FCMR: variants seen among roughly 807,000 people sequenced by gnomAD.
FCMR encodes the protein immunoglobulin mu Fc receptor.
In FCMR, 34 loss-of-function variants were observed where a neutral mutation model predicts 41.6. The ratio of observed to expected loss-of-function variants is 0.82; its 90% confidence interval spans 0.62 to 1.09. The LOEUF (loss-of-function observed/expected upper bound fraction) is 1.09. Ranked by LOEUF, FCMR falls within the 50% of genes least tolerant of loss-of-function variation. FCMR has a pLI of 0.00. For synonymous variants in FCMR, 209 were observed against 211.8 expected (o/e 0.99, Z 0.12); for missense variants, 496 against 512.5 (o/e 0.97, Z 0.31).
At position 206,911,962 on chromosome 1, in the gene FCMR, G is replaced by A. The variant is rs1317023735; in HGVS notation, c.488-10C>T. On this transcript the variant is annotated splice_polypyrimidine_tract_variant and intron_variant, in intron 3 of 7. Transcript: ENST00000367091. ...TGAGCTGGTGTGGTAACTGCAGGAG[G>A]TAGCAGGAAAAAGGGATGTTCCTTT... The A allele has an allele frequency of 6.2e-7, 1 of 1,602,542 alleles. No homozygotes were observed. Among genetic ancestry groups the A allele is most frequent in the Non-Finnish European group, 8.5e-7 (1 of 1,174,094 alleles).
chr1:206,909,942 C>T lies in FCMR; in HGVS notation c.842-74G>A. ...CGTGCCACCCTCCCCAAACGAAAGG[C>T]TGCCTCCTCCCTCGGGCTTGGCAGT... is the stretch of plus-strand genomic sequence containing the variant. On this transcript the variant is annotated intron_variant, in intron 5 of 7. Coordinates refer to ENST00000367091, the MANE Select transcript of FCMR (RefSeq NM_005449.5). This position sits in a 1 kb window ranked among gnomAD's most constrained non-coding sequence, Gnocchi z 5.0. 7.4e-7 allele frequency: 1 copy of T among 1,347,086 alleles called. No homozygotes were observed. Among genetic ancestry groups the T allele is most frequent in the Non-Finnish European group, 9.6e-7 (1 of 1,044,906 alleles). The allele number at this position is 1,347,086 out of a possible 1,614,324, so 83.4% of individuals were successfully genotyped here. A position where few individuals can be genotyped will look rare whatever the true frequency, so the allele number is the denominator to read the frequency against.
At chr1:206,921,021 A>AT (rs11401615) in intron 1 of FCMR, among the ~76,000 whole-genome samples, 89,232 of 152,044 alleles carry the variant, frequency 0.59, 28,414 homozygotes, top group African/African-American at 0.86. Context: ...TCAATGAAGA[A>AT]TTGAGGTAAG....
chr1:206,915,628 A>T (rs1679159080), intron 1 of FCMR, among the ~76,000 whole-genome samples: 1 of 152,176 alleles, frequency 6.6e-6, no homozygotes, highest in Non-Finnish European at 1.5e-5. Flanking sequence ...GGATCCCATA[A>T]GTGTCTGCAT....
chr1:206,904,001 A>C lies in FCMR; in HGVS notation c.*1018T>G, dbSNP rs1678508439. On this transcript the variant is annotated 3_prime_UTR_variant, in exon 8 of 8. Transcript: ENST00000367091. ...CTGGCTGAACTTTGTGGTCGACATC[A>C]ATCTAAAGATACAGTGTCTGACTAT... The C allele has an allele frequency of 6.6e-6, 1 of 152,404 alleles. No homozygotes were observed. The highest frequency in any genetic ancestry group is 1.5e-5 in the Non-Finnish European group (1 of 68,062). 9.4% of individuals were successfully genotyped at this position (152,404 alleles called of 1,614,324 possible).
chr1:206,908,347 A>G (rs1572618289), intron 7 of FCMR: 10 of 600,170 alleles, frequency 1.7e-5, no homozygotes, highest in South Asian at 1.6e-4. Flanking sequence ...GCAGCCTGGG[A>G]CATAGGAAGC....
At chr1:206,917,348 AT>A (rs141041950) in intron 1 of FCMR, among the ~76,000 whole-genome samples, 196 of 150,090 alleles carry the variant, frequency 1.3e-3, no homozygotes, top group Non-Finnish European at 2.4e-3. Context: ...CGGGGCATGG[AT>A]TTTTTTTTTG....
At chr1:206,920,454 C>CA (rs10693146) in intron 1 of FCMR, among the ~76,000 whole-genome samples, 15,352 of 111,024 alleles carry the variant, frequency 0.14, 1,237 homozygotes, top group African/African-American at 0.16. Flanking sequence ...GACTCTGTCT[C>CA]AAAAAAAAAA....
At chr1:206,917,076 AG>A (rs1432621094) in intron 1 of FCMR, among the ~76,000 whole-genome samples, 1 of 152,224 alleles carries the variant, frequency 6.6e-6, no homozygotes, top group Non-Finnish European at 1.5e-5. Flanking sequence ...GGTAGGGAAG[AG>A]GGGGATATGT....
In FCMR at chr1:206,913,997, C is replaced by A; in HGVS notation, c.135G>T (p.Arg45Ser). ...IKCPLPEMHV[R>S]IYLCREMAGS... Reference sequence around the variant, plus strand: ...CAGCCATCTCCCGGCACAGATATATCCTCACATGCATTTCAGGAAGTGGGC... The same window carrying A: ...CAGCCATCTCCCGGCACAGATATATACTCACATGCATTTCAGGAAGTGGGC... Residue 45 changes from arginine (R) to serine (S), a missense_variant, in exon 2 of 8, where the codon AGG becomes AGT. Coordinates refer to ENST00000367091, the MANE Select transcript of FCMR (RefSeq NM_005449.5). 1 of 1,614,184 alleles carries A rather than the reference C, an allele frequency of 6.2e-7. No individual in the cohort carries two copies. The highest frequency in any genetic ancestry group is 1.1e-5 in the South Asian group (1 of 91,084).
At chr1:206,917,517 A>G (rs1679243459) in intron 1 of FCMR, among the ~76,000 whole-genome samples, 1 of 152,104 alleles carries the variant, frequency 6.6e-6, no homozygotes. Flanking sequence ...CCTGTTTTAG[A>G]ACTTCTTGTC....
intron 1 of FCMR, chr1:206,921,290 A>G: frequency 6.6e-6 from 2 of 303,208 alleles, no homozygotes; most frequent in Non-Finnish European, 1.4e-5. Flanking sequence ...AGGAGAGATG[A>G]CACCTTCAGC....
intron 7 of FCMR, among the ~76,000 whole-genome samples, chr1:206,907,080 C>G (rs1396883684): frequency 3.9e-5 from 1 of 25,698 alleles, no homozygotes; most frequent in African/African-American, 1.8e-4. Flanking sequence ...CCGGAGAAGC[C>G]GGGGGGTGGG....
intron 7 of FCMR, among the ~76,000 whole-genome samples, chr1:206,908,427 G>T (rs1678775330): frequency 6.6e-6 from 1 of 152,194 alleles, no homozygotes. Flanking sequence ...AATTGTGCAG[G>T]TGTAATTTAT....
chr1:206,920,176 C>T (rs958817414), intron 1 of FCMR, among the ~76,000 whole-genome samples: 2 of 152,016 alleles, frequency 1.3e-5, no homozygotes, highest in Admixed American at 1.3e-4. Context: ...TGAAGGTGGC[C>T]AGGTGCAGTG....
At position 206,918,650 on chromosome 1, in the gene FCMR, A is replaced by AGTGTGTGTGTGT. The variant is rs10652847; in HGVS notation, c.37+3156_37+3167dup. On this transcript the variant is annotated intron_variant, in intron 1 of 7. Coordinates refer to ENST00000367091, the MANE Select transcript of FCMR (RefSeq NM_005449.5). ...GTTAAAGAATCAAGAATAAATTTTA[A>AGTGTGTGTGTGT]GTGTGTGTGTGTGTGTGTGTGTGTG... 2.6e-3 allele frequency among the ~76,000 whole-genome samples: 385 copies of AGTGTGTGTGTGT among 145,980 alleles called. 1 individual carries two copies. Among genetic ancestry groups the AGTGTGTGTGTGT allele is most frequent in the African/African-American group, 6.6e-3 (259 of 39,538 alleles).
chr1:206,909,358 G>T lies in FCMR; in HGVS notation c.1044+104C>A. ...GAGCTGCTGGGAAACCCGCTCTCCG[G>T]ATCGCGGCGGCGGCGGCGCGGGAAG... On this transcript the variant is annotated intron_variant, in intron 7 of 7. Transcript: ENST00000367091. This position sits in a 1 kb window ranked among gnomAD's most constrained non-coding sequence, Gnocchi z 5.0. 1.7e-6 allele frequency: 1 copy of T among 582,920 alleles called. No homozygotes were observed. Among genetic ancestry groups the T allele is most frequent in the Non-Finnish European group, 2.5e-6 (1 of 394,266 alleles). The allele number at this position is 582,920 out of a possible 1,614,324, so 36.1% of individuals were successfully genotyped here.
intron 1 of FCMR, among the ~76,000 whole-genome samples, chr1:206,915,650 G>T (rs1336204126): frequency 6.6e-6 from 1 of 152,214 alleles, no homozygotes; most frequent in Non-Finnish European, 1.5e-5. Context: ...TTTCTGGGAA[G>T]AAAGTTCATA....
Position 206,921,900 on chromosome 1 carries a change from G to C in FCMR, c.-46C>G. The C allele has an allele frequency of 6.4e-7, 1 of 1,574,218 alleles. No individual in the cohort carries two copies. Among genetic ancestry groups the C allele is most frequent in the Admixed American group, 1.7e-5 (1 of 59,716 alleles). ...GTCCATCCAAGAGCCCCTAGAGAGG[G>C]GGATGGAGACACGCTGCTTACTCAG... is the stretch of plus-strand genomic sequence containing the variant. On this transcript the variant is annotated 5_prime_UTR_variant, in exon 1 of 8. Transcript: ENST00000367091.
In FCMR at chr1:206,909,517, G is replaced by GT; in HGVS notation, c.988dup (p.Thr330AsnfsTer22). 7.6e-7 allele frequency: 1 copy of GT among 1,311,348 alleles called. No individual in the cohort carries two copies. Among genetic ancestry groups the GT allele is most frequent in the East Asian group, 3.1e-5 (1 of 31,904 alleles). 81.2% of individuals were successfully genotyped at this position (1,311,348 alleles called of 1,614,324 possible). On this transcript the variant is annotated frameshift_variant, in exon 7 of 8. Transcript: ENST00000367091. LOFTEE classifies it high-confidence loss of function. The surrounding 1 kb of genome is among the most constrained non-coding windows in gnomAD (Gnocchi z 5.0). ...GGGGCCGGGAACGGGGGCCTCCCCT[G>GT]TGCCTAGGGAACAGCGAGGGCGAGG...
Sources: gnomAD v4.1 joint callset for allele counts (sites outside exome capture counted in the v4.1 genomes callset) on GRCh38, gnomAD v4.1.1 for gene constraint, Gnocchi (gnomAD v3.1) non-coding constraint, MANE v1.5 for transcripts, NCBI Gene and HGNC (gene_info 2026-07-23, HGNC 2026-07-21) for gene names.